Variants in TBC1D2B observed in about 807,000 individuals in gnomAD.
TBC1D2B encodes TBC1 domain family, member 2B.
TBC1D2B carries 64 observed loss-of-function variants against 100.8 expected under a neutral mutation model. The ratio of observed to expected loss-of-function variants is 0.64; its 90% CI spans 0.52 to 0.78. The LOEUF is 0.78. Among genes scored for constraint, TBC1D2B ranks in the 30% least tolerant of loss-of-function variants. The pLI is 0.00. For missense variants in TBC1D2B, 1,052 were observed against 1,218.4 expected (o/e 0.86, Z 2.03); for synonymous variants, 480 against 479.7 (o/e 1.00, Z -0.01).
chr15:78,030,305 T>TC, intron 3 of TBC1D2B, 135 bp from the exon 4 acceptor site: 1 of 758,038 alleles, frequency 1.3e-6, no homozygotes, highest in Non-Finnish European at 2.0e-6. Context: ...AAATGGGGAT[T>TC]CCCTTTTTTT....
intron 10 of TBC1D2B, among the ~76,000 whole-genome samples, chr15:78,007,394 A>G (rs1434607314): frequency 1.3e-5 from 2 of 152,204 alleles, no homozygotes; most frequent in African/African-American, 4.8e-5. Context: ...TGAAAGGGAC[A>G]AAAAGGGGAC....
At position 78,003,663 on chromosome 15, in the gene TBC1D2B, G is replaced by A. The variant is rs567115805; in HGVS notation, c.2389-173C>T. Reference sequence around the variant, plus strand: ...AGCCAGACTACTATGTTCCAGCAGCGCTGACCTCGTGCACTGCAGGTACAC... The same window carrying A: ...AGCCAGACTACTATGTTCCAGCAGCACTGACCTCGTGCACTGCAGGTACAC... On this transcript the variant is annotated intron_variant, in intron 10 of 12. Coordinates refer to ENST00000300584, the MANE Select transcript of TBC1D2B (RefSeq NM_144572.2). 6.4e-5 allele frequency: 37 copies of A among 575,726 alleles called. 1 individual carries two copies. The highest frequency in any genetic ancestry group is 1.2e-4 in the Admixed American group (4 of 33,956). The allele number at this position is 575,726 out of a possible 1,614,324, so 35.7% of individuals were successfully genotyped here. A position where few individuals can be genotyped will look rare whatever the true frequency, so the allele number is the denominator to read the frequency against.
intron 10 of TBC1D2B, 184 bp from the exon 11 acceptor site, chr15:78,003,674 G>C (rs2071980448): frequency 3.5e-6 from 2 of 563,826 alleles, no homozygotes; most frequent in African/African-American, 1.9e-5. Context: ...CTGACCTCGT[G>C]CACTGCAGGT....
chr15:78,054,962 G>T (rs1372464957), intron 1 of TBC1D2B, among the ~76,000 whole-genome samples: 1 of 151,986 alleles, frequency 6.6e-6, no homozygotes, highest in Non-Finnish European at 1.5e-5. Flanking sequence ...AAAAAAACTG[G>T]TACATCTATA....
At position 78,068,750 on chromosome 15, in the gene TBC1D2B, A is replaced by T. The variant is rs116490520; in HGVS notation, c.360+8543T>A. Among the ~76,000 whole-genome samples, 1,162 of 152,328 alleles carry T rather than the reference A, an allele frequency of 7.6e-3. 24 individuals carry two copies. Among genetic ancestry groups the T allele is most frequent in the African/African-American group, 0.026 (1,096 of 41,556 alleles). ...GAATGCCAAGATGTTTACTGAACTG[A>T]GCACTCCAGGCAAAGTACTTCACAG... On this transcript the variant is annotated intron_variant, in intron 1 of 12. Coordinates refer to ENST00000300584, the MANE Select transcript of TBC1D2B (RefSeq NM_144572.2).
intron 3 of TBC1D2B, chr15:78,034,377 T>C (rs1408010019): frequency 1.9e-6 from 1 of 526,564 alleles, no homozygotes; most frequent in Non-Finnish European, 2.4e-6. Flanking sequence ...CCATGACTTT[T>C]CAGTGGCCCT....
intron 8 of TBC1D2B, among the ~76,000 whole-genome samples, chr15:78,016,271 G>C (rs1200407681): frequency 1.3e-5 from 2 of 152,054 alleles, no homozygotes; most frequent in Non-Finnish European, 2.9e-5. Flanking sequence ...TGGAAGACTG[G>C]CTCCTCCTGA....
chr15:78,004,920 T>C (rs2072026441), intron 10 of TBC1D2B, among the ~76,000 whole-genome samples: 1 of 152,248 alleles, frequency 6.6e-6, no homozygotes, highest in Non-Finnish European at 1.5e-5. Flanking sequence ...AAGGGTTAAC[T>C]GTACATATTT....
chr15:78,065,225 C>T (rs768473356), intron 1 of TBC1D2B, among the ~76,000 whole-genome samples: 1 of 152,220 alleles, frequency 6.6e-6, no homozygotes, highest in Non-Finnish European at 1.5e-5. Flanking sequence ...TCAGCAAATA[C>T]ATTTTTAAGC....
intron 1 of TBC1D2B, among the ~76,000 whole-genome samples, chr15:78,071,230 A>T (rs2073738682): frequency 1.3e-5 from 2 of 152,230 alleles, no homozygotes; most frequent in Admixed American, 6.5e-5. Context: ...GGCCTCCCAA[A>T]GTGCTGGGAT....
At chr15:78,034,960 T>C (rs1280564492) in intron 3 of TBC1D2B, among the ~76,000 whole-genome samples, 1 of 152,112 alleles carries the variant, frequency 6.6e-6, no homozygotes, top group Admixed American at 6.5e-5. Flanking sequence ...GTGTACTCCA[T>C]GAGGAGTTCA....
intron 1 of TBC1D2B, among the ~76,000 whole-genome samples, chr15:78,072,233 T>C: frequency 6.6e-6 from 1 of 152,184 alleles, no homozygotes; most frequent in East Asian, 1.9e-4. Flanking sequence ...ACCCTCTGGT[T>C]AGCAGGAAAT....
At chr15:78,008,107 G>A (rs982884633) in intron 10 of TBC1D2B, among the ~76,000 whole-genome samples, 11 of 152,230 alleles carry the variant, frequency 7.2e-5, no homozygotes, top group Non-Finnish European at 1.3e-4. Context: ...GGCCACATGC[G>A]AAGGGCCGGC....
intron 3 of TBC1D2B, 57 bp downstream of exon 3, chr15:78,044,843 A>C: frequency 7.1e-7 from 1 of 1,417,468 alleles, no homozygotes; most frequent in Non-Finnish European, 9.6e-7. Flanking sequence ...AAATTATAAC[A>C]TACATTATCA....
At chr15:78,033,731 T>C (rs1409220176) in intron 3 of TBC1D2B, among the ~76,000 whole-genome samples, 1 of 152,242 alleles carries the variant, frequency 6.6e-6, no homozygotes, top group African/African-American at 2.4e-5. Flanking sequence ...CATTTGGTGT[T>C]TTCTGAGGTG....
rs771877432 is a variant in TBC1D2B, at chr15:78,012,887, G to A, written c.2206C>T (p.Arg736Cys). 2 of 1,523,120 alleles carry A rather than the reference G, an allele frequency of 1.3e-6. No individual in the cohort carries two copies. The highest frequency in any genetic ancestry group is 1.3e-5 in the South Asian group (1 of 75,254). 94.4% of individuals were successfully genotyped at this position (1,523,120 alleles called of 1,614,324 possible). Reference protein sequence around the residue: ...CPTSEGIQKLRNVLLAFSWRN... With the variant: ...CPTSEGIQKLCNVLLAFSWRN... Reference sequence around the variant, plus strand: ...CAGGAGAAGGCGAGGAGGACATTGCGTAACTTCTGTATGCCTTCTGAGGTG... The same window carrying A: ...CAGGAGAAGGCGAGGAGGACATTGCATAACTTCTGTATGCCTTCTGAGGTG... Residue 736 changes from arginine (R) to cysteine (C), a missense_variant, in exon 9 of 13, where the codon CGC becomes TGC. By Grantham distance (180) the Arg-to-Cys change is radical (BLOSUM62 -3). Around this residue, in one of 4 missense-constraint regions of TBC1D2B, gnomAD observed 373 missense variants for 464.9 expected, o/e 0.80. Transcript: ENST00000300584.
intron 1 of TBC1D2B, among the ~76,000 whole-genome samples, chr15:78,058,686 C>T (rs2073478895): frequency 2.0e-5 from 3 of 152,220 alleles, no homozygotes; most frequent in South Asian, 4.1e-4. Flanking sequence ...ACACGCCCGC[C>T]GGAGGAGTGA....
At chr15:78,049,905 C>G (rs1444810315) in intron 2 of TBC1D2B, among the ~76,000 whole-genome samples, 1 of 152,122 alleles carries the variant, frequency 6.6e-6, no homozygotes, top group Admixed American at 6.5e-5. Flanking sequence ...GCTCAAGGTC[C>G]CATAAGCTCT....
chr15:78,032,558 A>G lies in TBC1D2B; in HGVS notation c.684-2388T>C, dbSNP rs531625635. Among the ~76,000 whole-genome samples, 8 of 152,198 alleles carry G rather than the reference A, an allele frequency of 5.3e-5. No individual in the cohort carries two copies. The South Asian group carries it at 1.7e-3, about 32-fold the overall frequency. On this transcript the variant is annotated intron_variant, in intron 3 of 12. Transcript: ENST00000300584. ...AAATCAATCAACAGAAACAGACCAG[A>G]AACAACAAAAGATAAAATTAGCAGA...
Sources: gnomAD v4.1 joint callset for allele counts (sites outside exome capture counted in the v4.1 genomes callset) on GRCh38, gnomAD v4.1.1 for gene constraint, gnomAD v4.1.1 regional missense constraint, MANE v1.5 for transcripts, NCBI Gene and HGNC (gene_info 2026-07-23, HGNC 2026-07-21) for gene names.